The following DPYD variants were observed in gnomAD, a reference collection of about 807,000 sequenced individuals.
DPYD encodes the protein dihydropyrimidine dehydrogenase [NADP(+)].
A neutral mutation model predicts 116.2 loss-of-function variants in DPYD; 109 were observed. The observed-to-expected ratio is 0.94, with a 90% CI of 0.80 to 1.10. The LOEUF is 1.10. Among genes scored for constraint, DPYD ranks in the 50% least tolerant of loss-of-function variants. The probability of loss-of-function intolerance (pLI) is 0.00; values close to 1 mark genes in which losing one functional copy is unlikely to be tolerated. For missense variants in DPYD, 1,302 were observed against 1,254.5 expected (o/e 1.04, Z -0.57); for synonymous variants, 440 against 432.0 (o/e 1.02, Z -0.23).
At chr1:97,311,687 GA>G (rs932198071) in intron 16 of DPYD, among the ~76,000 whole-genome samples, 3 of 151,412 alleles carry the variant, frequency 2.0e-5, no homozygotes, top group African/African-American at 4.8e-5. Context: ...CCCCAAAGTG[GA>G]AAAAATCCAA....
chr1:97,308,943 G>C (rs774958693), intron 16 of DPYD, among the ~76,000 whole-genome samples: 1 of 151,828 alleles, frequency 6.6e-6, no homozygotes, highest in African/African-American at 2.4e-5. Flanking sequence ...AACAATTATT[G>C]ACTGCTCTAT....
intron 14 of DPYD, among the ~76,000 whole-genome samples, chr1:97,382,832 C>T (rs760138741): frequency 2.0e-5 from 3 of 151,846 alleles, no homozygotes; most frequent in Non-Finnish European, 4.4e-5. Context: ...TTATACAATG[C>T]CATTAAAATG....
At chr1:97,563,031 TAACCAG>T (rs1215883689) in intron 11 of DPYD, among the ~76,000 whole-genome samples, 1 of 152,166 alleles carries the variant, frequency 6.6e-6, no homozygotes, top group Non-Finnish European at 1.5e-5. Flanking sequence ...ATATCTAATT[TAACCAG>T]AGTATTTTAG....
intron 10 of DPYD, among the ~76,000 whole-genome samples, chr1:97,591,885 T>C (rs886433274): frequency 6.6e-6 from 1 of 151,038 alleles, no homozygotes; most frequent in Non-Finnish European, 1.5e-5. Flanking sequence ...CCTAAGACTG[T>C]ATCCCAGGAA....
intron 14 of DPYD, among the ~76,000 whole-genome samples, chr1:97,428,914 T>C (rs949268313): frequency 4.6e-5 from 7 of 152,046 alleles, no homozygotes; most frequent in African/African-American, 1.7e-4. Context: ...TTTTTGTTAA[T>C]AGATTATTAG....
chr1:97,779,798 T>TAAC (rs1006337950), intron 3 of DPYD, among the ~76,000 whole-genome samples: 3 of 152,096 alleles, frequency 2.0e-5, no homozygotes, highest in African/African-American at 7.2e-5. Context: ...TTACTTTATG[T>TAAC]AACAACTTGT....
chr1:97,638,030 A>G (rs1350636831), intron 8 of DPYD, among the ~76,000 whole-genome samples: 1 of 152,122 alleles, frequency 6.6e-6, no homozygotes, highest in Non-Finnish European at 1.5e-5. Context: ...TATCTCATGT[A>G]ACATTAAATA....
intron 2 of DPYD, among the ~76,000 whole-genome samples, chr1:97,848,685 T>C (rs1670428831): frequency 1.3e-5 from 2 of 152,240 alleles, no homozygotes; most frequent in Non-Finnish European, 2.9e-5. Context: ...GGAAAGATTA[T>C]GTTGTATAAT....
rs943033351 is a variant in DPYD at position 97,132,319 on chromosome 1, T to C, written c.2623-33687A>G. Among the ~76,000 whole-genome samples the C allele has an allele frequency of 2.6e-5, 4 of 152,152 alleles. No individual in the cohort carries two copies. The South Asian group carries it at 6.2e-4, about 24-fold the overall frequency. ...CTAAGAATTTTTTCCTCAAGTGATATACAAATGCCTCTACAGATAAATACA... is the reference window on the plus strand; with the variant it reads ...CTAAGAATTTTTTCCTCAAGTGATACACAAATGCCTCTACAGATAAATACA... On this transcript the variant is annotated intron_variant, in intron 20 of 22. Transcript: ENST00000370192.
intron 3 of DPYD, among the ~76,000 whole-genome samples, chr1:97,774,005 C>T (rs761310655): frequency 7.2e-5 from 11 of 152,190 alleles, no homozygotes; most frequent in Non-Finnish European, 1.5e-4. Flanking sequence ...TGAAAGCACA[C>T]TGTAACACAC....
chr1:97,290,338 T>G (rs1259093142), intron 18 of DPYD, among the ~76,000 whole-genome samples: 1 of 152,042 alleles, frequency 6.6e-6, no homozygotes, highest in South Asian at 2.1e-4. Flanking sequence ...AAAACTACTT[T>G]AAAGTTCATA....
At chr1:97,681,879 G>T (rs192454107) in intron 7 of DPYD, among the ~76,000 whole-genome samples, 1 of 152,240 alleles carries the variant, frequency 6.6e-6, no homozygotes, top group East Asian at 1.9e-4. Context: ...GCACTGGAAT[G>T]CCATGCCAAT....
intron 4 of DPYD, among the ~76,000 whole-genome samples, chr1:97,737,716 TTGTGTG>T (rs890449934): frequency 2.6e-5 from 4 of 151,800 alleles, no homozygotes; most frequent in Admixed American, 1.3e-4. Context: ...GTGTGTGTGT[TTGTGTG>T]TGTGTGTACA....
At chr1:97,890,157 C>A (rs749086044) in intron 1 of DPYD, among the ~76,000 whole-genome samples, 1 of 151,858 alleles carries the variant, frequency 6.6e-6, no homozygotes, top group Non-Finnish European at 1.5e-5. Flanking sequence ...TAAGTGATTT[C>A]TTTTTGGGTG....
chr1:97,364,994 G>A lies in DPYD; in HGVS notation c.2058+8567C>T, dbSNP rs78369405. Among the ~76,000 whole-genome samples the A allele has an allele frequency of 1.6e-3, 246 of 152,154 alleles. 6 individuals are homozygous for A. The South Asian group carries it at 0.021, about 13-fold the overall frequency. The stretch of plus-strand genomic sequence containing the variant: ...GAAGCGTGTACAAATTTCTCTTTGC[G>A]GTAGAAGTACCTTAATTTTAAGGTC... On this transcript the variant is annotated intron_variant, in intron 16 of 22. Coordinates refer to ENST00000370192, the MANE Select transcript of DPYD (RefSeq NM_000110.4).
In DPYD at chr1:97,370,668, A is replaced by G. The variant is rs142826714; in HGVS notation, c.2058+2893T>C. The stretch of plus-strand genomic sequence containing the variant: ...AATGCTCTTTAAAGTTAGTTTAAAA[A>G]TAACAGTAGCCTGCTATTTTTAATG... On this transcript the variant is annotated intron_variant, in intron 16 of 22. Transcript: ENST00000370192. Among the ~76,000 whole-genome samples the G allele has an allele frequency of 3.2e-3, 485 of 152,332 alleles. 3 individuals carry two copies. Among genetic ancestry groups the G allele is most frequent in the Non-Finnish European group, 5.2e-3 (357 of 68,032 alleles).
chr1:97,696,939 T>C (rs1661341541), intron 6 of DPYD, among the ~76,000 whole-genome samples: 2 of 152,058 alleles, frequency 1.3e-5, no homozygotes, highest in South Asian at 2.1e-4. Context: ...ATATAAAATT[T>C]GAAAGAGGTA....
chr1:97,293,020 T>C (rs1056253464), intron 18 of DPYD, among the ~76,000 whole-genome samples: 1 of 152,200 alleles, frequency 6.6e-6, no homozygotes, highest in Admixed American at 6.5e-5. Context: ...CATTAAACCT[T>C]TGGCATCTGC....
intron 8 of DPYD, among the ~76,000 whole-genome samples, chr1:97,657,760 A>G (rs1036286951): frequency 7.2e-5 from 11 of 152,210 alleles, no homozygotes; most frequent in Non-Finnish European, 4.4e-5. Flanking sequence ...ATAATTCAAC[A>G]TCAATAACGT....
Sources: allele counts gnomAD v4.1 joint callset (sites outside exome capture counted in the v4.1 genomes callset), GRCh38; gene constraint gnomAD v4.1.1; transcripts MANE v1.5; gene names NCBI Gene and HGNC (gene_info 2026-07-23, HGNC 2026-07-21).